Variants in MEIS1 observed in about 807,000 individuals in gnomAD.
MEIS1 encodes Meis homeobox 1.
MEIS1 carries 5 observed loss-of-function variants against 50.8 expected under a neutral mutation model. That is an observed-to-expected ratio of 0.10 (90% confidence interval 0.05 to 0.21). The LOEUF is 0.21. MEIS1 is among the 10% of genes least tolerant of loss of function. The probability of loss-of-function intolerance (pLI) is 1.00; values close to 1 mark genes in which losing one functional copy is unlikely to be tolerated. For synonymous variants in MEIS1, 176 were observed against 179.3 expected (o/e 0.98, Z 0.15); for missense variants, 318 against 517.3 (o/e 0.61, Z 3.74).
intron 6 of MEIS1, among the ~76,000 whole-genome samples, chr2:66,463,400 T>C (rs1449997570): frequency 2.0e-5 from 3 of 152,102 alleles, no homozygotes; most frequent in Admixed American, 2.0e-4. Context: ...GTCGCCATGA[T>C]TGTTTTCCTC....
intron 7 of MEIS1, among the ~76,000 whole-genome samples, chr2:66,473,805 G>A (rs1672825699): frequency 6.6e-6 from 1 of 152,078 alleles, no homozygotes; most frequent in African/African-American, 2.4e-5. Flanking sequence ...AAATGGGTTT[G>A]GGGATGTATA....
intron 7 of MEIS1, among the ~76,000 whole-genome samples, chr2:66,476,847 G>A (rs1211239003): frequency 6.6e-6 from 1 of 152,096 alleles, no homozygotes; most frequent in Non-Finnish European, 1.5e-5. Flanking sequence ...AGTCTCCTAA[G>A]AGAGCAAGTC....
chr2:66,534,101 C>T (rs2103900519), intron 8 of MEIS1, among the ~76,000 whole-genome samples: 1 of 152,278 alleles, frequency 6.6e-6, no homozygotes, highest in South Asian at 2.1e-4. Flanking sequence ...TGACCACCAC[C>T]AGCGTGATTA....
At chr2:66,473,397 A>AAAAAAAAAAAAAAAAATATATATATATAT in intron 7 of MEIS1, among the ~76,000 whole-genome samples, 2 of 107,590 alleles carry the variant, frequency 1.9e-5, no homozygotes, top group Admixed American at 9.6e-5. Flanking sequence ...AAAAAAAAAA[A>AAAAAAAAAAAAAAAAATATATATATATAT]ATATATATAT....
rs1675488285 is a variant in MEIS1, at chr2:66,571,548, G to C, written c.*340G>C. ...TCAGTAGCTTAAGGGAATATGCATTGTCTGCAATGGTGACTGATTTCAAAT... is the reference window on the plus strand; with the variant it reads ...TCAGTAGCTTAAGGGAATATGCATTCTCTGCAATGGTGACTGATTTCAAAT... On this transcript the variant is annotated 3_prime_UTR_variant, in exon 13 of 13. Coordinates refer to ENST00000272369, the MANE Select transcript of MEIS1 (RefSeq NM_002398.3). 6.4e-7 allele frequency: 1 copy of C among 1,552,556 alleles called. No homozygotes were observed. Among genetic ancestry groups the C allele is most frequent in the Middle Eastern group, 1.7e-4 (1 of 5,994 alleles).
intron 6 of MEIS1, among the ~76,000 whole-genome samples, chr2:66,446,713 C>T (rs867253075): frequency 7.2e-5 from 11 of 152,308 alleles, no homozygotes; most frequent in Admixed American, 2.0e-4. Context: ...ATATGGCTTG[C>T]AGTTATGGAA....
intron 7 of MEIS1, among the ~76,000 whole-genome samples, chr2:66,465,255 A>G (rs981678402): frequency 2.0e-5 from 3 of 152,234 alleles, no homozygotes; most frequent in African/African-American, 4.8e-5. Context: ...TACTGGGAAT[A>G]ACTTCAACAA....
chr2:66,553,556 C>T (rs527368618), intron 9 of MEIS1, among the ~76,000 whole-genome samples: 7 of 152,236 alleles, frequency 4.6e-5, no homozygotes, highest in South Asian at 2.1e-4. Context: ...ACAGAGCTGG[C>T]GGGGCGCCAG....
chr2:66,546,812 G>A (rs1674801520), intron 8 of MEIS1, among the ~76,000 whole-genome samples: 1 of 152,178 alleles, frequency 6.6e-6, no homozygotes, highest in Non-Finnish European at 1.5e-5. Context: ...TATAGATATA[G>A]AGCATATTTA....
chr2:66,493,702 C>A (rs11897068), intron 7 of MEIS1, among the ~76,000 whole-genome samples: 14,389 of 152,144 alleles, frequency 0.095, 1,311 homozygotes, highest in African/African-American at 0.24. Flanking sequence ...TCCTAACTGT[C>A]TGACTCCACC....
intron 9 of MEIS1, among the ~76,000 whole-genome samples, chr2:66,551,761 A>T (rs1674927678): frequency 6.6e-6 from 1 of 151,930 alleles, no homozygotes; most frequent in African/African-American, 2.4e-5. Flanking sequence ...TCGAAACATA[A>T]TATGCACCAG....
At position 66,512,246 on chromosome 2, in the gene MEIS1, C is replaced by T. The variant is rs77573142; in HGVS notation, c.840C>T (p.Pro280=). ...KKRHKKRGIF[P]KVATNIMRAW... ...GTCACAAAAAGCGTGGCATCTTTCC[C>T]AAAGTAGCCACAAATATCATGAGGG... Residue 280 remains proline (P), a synonymous_variant, in exon 8 of 13, where the codon CCC becomes CCT. Transcript: ENST00000272369. The T allele has an allele frequency of 6.2e-7, 1 of 1,612,338 alleles. No homozygotes were observed. Among genetic ancestry groups the T allele is most frequent in the African/African-American group, 1.3e-5 (1 of 74,858 alleles).
intron 9 of MEIS1, among the ~76,000 whole-genome samples, chr2:66,548,388 A>G (rs1041434427): frequency 1.3e-5 from 2 of 152,136 alleles, no homozygotes; most frequent in Non-Finnish European, 2.9e-5. Flanking sequence ...CCACCATCAC[A>G]TATCAGTCAG....
At chr2:66,525,078 C>T (rs762026290) in intron 8 of MEIS1, among the ~76,000 whole-genome samples, 8 of 151,858 alleles carry the variant, frequency 5.3e-5, no homozygotes, top group Admixed American at 1.3e-4. Context: ...CCTGGTGTGG[C>T]GGGGCACGCT....
At chr2:66,556,157 A>G (rs1341167363) in intron 9 of MEIS1, among the ~76,000 whole-genome samples, 1 of 151,870 alleles carries the variant, frequency 6.6e-6, no homozygotes, top group Non-Finnish European at 1.5e-5. Flanking sequence ...TTTCCTGTCT[A>G]TTTTATTTTC....
At chr2:66,446,927 A>G (rs973629778) in intron 6 of MEIS1, among the ~76,000 whole-genome samples, 17 of 152,218 alleles carry the variant, frequency 1.1e-4, no homozygotes, top group African/African-American at 3.4e-4. Context: ...AAAGTTCACA[A>G]TGTTGTTTCT....
At chr2:66,536,171 C>T (rs1291588206) in intron 8 of MEIS1, among the ~76,000 whole-genome samples, 1 of 151,936 alleles carries the variant, frequency 6.6e-6, no homozygotes, top group Admixed American at 6.6e-5. Context: ...ACACATAAAC[C>T]CCGGGATCTG....
At chr2:66,551,127 T>C (rs1234239855) in intron 9 of MEIS1, among the ~76,000 whole-genome samples, 2 of 152,180 alleles carry the variant, frequency 1.3e-5, no homozygotes, top group East Asian at 1.9e-4. Context: ...AAGTGAAAAA[T>C]ATAAACTCAT....
intron 1 of MEIS1, 126 bp from the exon 2 acceptor site, chr2:66,437,611 C>A: frequency 1.3e-6 from 1 of 780,302 alleles, no homozygotes; most frequent in Non-Finnish European, 2.2e-6. Context: ...TTTATAGATG[C>A]AAGGCCACCG....
Sources: allele counts gnomAD v4.1 joint callset (sites outside exome capture counted in the v4.1 genomes callset), GRCh38; gene constraint gnomAD v4.1.1; transcripts MANE v1.5; gene names NCBI Gene and HGNC (gene_info 2026-07-23, HGNC 2026-07-21).